Variants in LRFN5 observed in about 807,000 individuals in gnomAD.
LRFN5 encodes leucine rich repeat and fibronectin type III domain containing 5.
LRFN5 carries 24 observed loss-of-function variants against 45.6 expected under a neutral mutation model. The ratio of observed to expected loss-of-function variants is 0.53; its 90% CI spans 0.38 to 0.74. The LOEUF (loss-of-function observed/expected upper bound fraction) is 0.74. Ranked by LOEUF, LRFN5 falls within the 30% of genes least tolerant of loss-of-function variation. The pLI is 0.00. For synonymous variants in LRFN5, 340 were observed against 313.8 expected (o/e 1.08, Z -0.88); for missense variants, 776 against 861.5 (o/e 0.90, Z 1.24).
At chr14:41,720,485 T>C (rs1269960306) in intron 1 of LRFN5, among the ~76,000 whole-genome samples, 3 of 152,158 alleles carry the variant, frequency 2.0e-5, no homozygotes, top group African/African-American at 7.2e-5. Flanking sequence ...AAAATTAATT[T>C]GAGATCTTCC....
At chr14:41,769,596 G>A (rs571600888) in intron 2 of LRFN5, among the ~76,000 whole-genome samples, 6 of 152,146 alleles carry the variant, frequency 3.9e-5, no homozygotes, top group East Asian at 1.9e-4. Context: ...ACACAATGAC[G>A]ATAATTATTT....
chr14:41,776,129 T>G (rs1016876896), intron 2 of LRFN5, among the ~76,000 whole-genome samples: 9 of 152,230 alleles, frequency 5.9e-5, no homozygotes, highest in African/African-American at 1.9e-4. Flanking sequence ...CATGTTACTC[T>G]TTTGAAAGTT....
At chr14:41,635,693 A>G (rs150761530) in intron 1 of LRFN5, among the ~76,000 whole-genome samples, 1 of 152,296 alleles carries the variant, frequency 6.6e-6, no homozygotes, top group Non-Finnish European at 1.5e-5. Flanking sequence ...ATTTTAGAAT[A>G]AGGGAACAGT....
At chr14:41,820,195 C>G (rs751671779) in intron 2 of LRFN5, among the ~76,000 whole-genome samples, 4 of 115,202 alleles carry the variant, frequency 3.5e-5, no homozygotes, top group Non-Finnish European at 7.5e-5. Context: ...TTTCGTAGGC[C>G]AAATCCCAGA....
chr14:41,811,586 A>C (rs1887738039), intron 2 of LRFN5, among the ~76,000 whole-genome samples: 2 of 152,124 alleles, frequency 1.3e-5, no homozygotes, highest in African/African-American at 4.8e-5. Flanking sequence ...ATTGTTTATT[A>C]ATAAAAAGGA....
At chr14:41,808,423 G>A (rs1389077598) in intron 2 of LRFN5, among the ~76,000 whole-genome samples, 2 of 122,066 alleles carry the variant, frequency 1.6e-5, no homozygotes, top group African/African-American at 3.2e-5. Flanking sequence ...AAGGAAGGAA[G>A]GAAGGAAGAA....
intron 4 of LRFN5, chr14:41,894,757 G>T: frequency 1.0e-6 from 1 of 983,466 alleles, no homozygotes; most frequent in Non-Finnish European, 1.2e-6. Context: ...TGGCCATGGA[G>T]TAAGGTGTGG....
chr14:41,618,120 G>A (rs373656394), intron 1 of LRFN5, among the ~76,000 whole-genome samples: 11 of 152,136 alleles, frequency 7.2e-5, no homozygotes, highest in East Asian at 1.9e-4. Context: ...TGACAGAGGG[G>A]CTAGATAATG....
chr14:41,824,895 G>A (rs1888241277), intron 2 of LRFN5, among the ~76,000 whole-genome samples: 1 of 152,120 alleles, frequency 6.6e-6, no homozygotes, highest in African/African-American at 2.4e-5. Flanking sequence ...CTAGCTCCAA[G>A]TCCCGGGCAA....
At chr14:41,694,051 A>T (rs74046614) in intron 1 of LRFN5, among the ~76,000 whole-genome samples, 2,257 of 152,122 alleles carry the variant, frequency 0.015, 12 homozygotes, top group African/African-American at 0.021. Context: ...TATTAATACC[A>T]TGAAATATAC....
At chr14:41,616,221 C>A (rs2138547607) in intron 1 of LRFN5, among the ~76,000 whole-genome samples, 1 of 152,206 alleles carries the variant, frequency 6.6e-6, no homozygotes, top group East Asian at 1.9e-4. Flanking sequence ...TCTAAGGTGA[C>A]TGGCTGGCTG....
At chr14:41,724,285 G>A (rs951051277) in intron 1 of LRFN5, among the ~76,000 whole-genome samples, 1 of 151,806 alleles carries the variant, frequency 6.6e-6, no homozygotes, top group African/African-American at 2.4e-5. Flanking sequence ...TTCCATCTTG[G>A]GAAAAAAAAC....
At chr14:41,901,195 G>A (rs1418954495) in intron 5 of LRFN5, among the ~76,000 whole-genome samples, 1 of 151,872 alleles carries the variant, frequency 6.6e-6, no homozygotes, top group East Asian at 1.9e-4. Context: ...AAAGGGGAAA[G>A]GAATTACGTA....
At position 41,663,437 on chromosome 14, in the gene LRFN5, T is replaced by G. The variant is rs146920014; in HGVS notation, c.-197+54875T>G. ...TGTAAGACCTGATAGGAGGTGAATT[T>G]TATGCATTGGTGTTTACAGGGAAGT... On this transcript the variant is annotated intron_variant, in intron 1 of 5. Coordinates refer to ENST00000298119, the MANE Select transcript of LRFN5 (RefSeq NM_152447.5). Among the ~76,000 whole-genome samples the G allele has an allele frequency of 9.1e-3, 1,384 of 152,174 alleles. 6 individuals are homozygous for G. Among genetic ancestry groups the G allele is most frequent in the East Asian group, 0.014 (75 of 5,182 alleles).
At chr14:41,809,321 A>G (rs1422773524) in intron 2 of LRFN5, among the ~76,000 whole-genome samples, 1 of 152,110 alleles carries the variant, frequency 6.6e-6, no homozygotes, top group Non-Finnish European at 1.5e-5. Flanking sequence ...GCAGTTTAAA[A>G]TAACATAATT....
intron 1 of LRFN5, among the ~76,000 whole-genome samples, chr14:41,759,498 C>CAG (rs1218257938): frequency 1.8e-4 from 4 of 22,332 alleles, no homozygotes; most frequent in Non-Finnish European, 3.5e-4. Context: ...CACACACACA[C>CAG]AGAGAGAGCA....
At chr14:41,653,836 G>C (rs1318891363) in intron 1 of LRFN5, among the ~76,000 whole-genome samples, 1 of 152,078 alleles carries the variant, frequency 6.6e-6, no homozygotes, top group Non-Finnish European at 1.5e-5. Flanking sequence ...CATCGAATTT[G>C]GGATTTGCTT....
chr14:41,681,780 C>CTTA (rs1881895342), intron 1 of LRFN5, among the ~76,000 whole-genome samples: 1 of 147,890 alleles, frequency 6.8e-6, no homozygotes, highest in Admixed American at 6.8e-5. Flanking sequence ...ATAAACTACT[C>CTTA]TTTTATTTTA....
At chr14:41,804,017 C>T (rs1011836071) in intron 2 of LRFN5, among the ~76,000 whole-genome samples, 11 of 152,106 alleles carry the variant, frequency 7.2e-5, no homozygotes, top group Non-Finnish European at 1.3e-4. Context: ...GTGCATGCCA[C>T]CACACCTGGC....
Sources: allele counts gnomAD v4.1 joint callset (sites outside exome capture counted in the v4.1 genomes callset), GRCh38; gene constraint gnomAD v4.1.1; transcripts MANE v1.5; gene names NCBI Gene and HGNC (gene_info 2026-07-23, HGNC 2026-07-21).